FHIT: variants seen among roughly 807,000 people sequenced by gnomAD.
FHIT encodes fragile histidine triad diadenosine triphosphatase, also known as bis(5'-adenosyl)-triphosphatase.
FHIT carries 19 observed loss-of-function variants against 17.9 expected under a neutral mutation model. The observed-to-expected ratio is 1.06, with a 90% confidence interval of 0.74 to 1.56. FHIT has a LOEUF of 1.56. FHIT is among the 40% of genes most tolerant of loss of function. The pLI is 0.00. For synonymous variants in FHIT, 81 were observed against 69.7 expected (o/e 1.16, Z -0.81); for missense variants, 248 against 189.2 (o/e 1.31, Z -1.82).
chr3:59,857,373 T>A (rs1007692247), intron 8 of FHIT, among the ~76,000 whole-genome samples: 3 of 151,992 alleles, frequency 2.0e-5, no homozygotes, highest in African/African-American at 4.8e-5. Flanking sequence ...TTTTTTTTTT[T>A]AAACATTCTG....
rs549200867 is a variant in FHIT at position 61,156,838 on chromosome 3, G to A, written c.-164+43779C>T. ...AGGGGGCTTTCCTCTTGACACTGGTGACTAATTCATCTATTTGCATCACAT... is the reference window on the plus strand; with the variant it reads ...AGGGGGCTTTCCTCTTGACACTGGTAACTAATTCATCTATTTGCATCACAT... On this transcript the variant is annotated intron_variant, in intron 2 of 9. Coordinates refer to ENST00000492590, the MANE Select transcript of FHIT (RefSeq NM_002012.4). Among the ~76,000 whole-genome samples the A allele has an allele frequency of 3.2e-4, 49 of 152,238 alleles. No individual in the cohort carries two copies. In the South Asian group the frequency reaches 3.9e-3, roughly 12 times the overall value.
chr3:60,482,888 C>T (rs192640089), intron 5 of FHIT, among the ~76,000 whole-genome samples: 120 of 151,166 alleles, frequency 7.9e-4, no homozygotes, highest in African/African-American at 2.8e-3. Flanking sequence ...TAAATGAAGA[C>T]AAGAGCTGGT....
chr3:59,944,170 T>G (rs565470969), intron 7 of FHIT, among the ~76,000 whole-genome samples: 1 of 152,304 alleles, frequency 6.6e-6, no homozygotes, highest in South Asian at 2.1e-4. Context: ...TCATCTAGTT[T>G]CTCAAAGTAC....
chr3:60,233,415 T>G (rs1163328077), intron 5 of FHIT, among the ~76,000 whole-genome samples: 1 of 151,992 alleles, frequency 6.6e-6, no homozygotes, highest in Admixed American at 6.5e-5. Flanking sequence ...CTCCCCAAGA[T>G]GTGCCAGATG....
chr3:59,954,018 C>T (rs879798644), intron 7 of FHIT, among the ~76,000 whole-genome samples: 9 of 152,074 alleles, frequency 5.9e-5, no homozygotes, highest in Non-Finnish European at 1.0e-4. Flanking sequence ...AACTTGTATT[C>T]CAGTGTTAAT....
At chr3:61,151,040 T>C (rs1278364109) in intron 2 of FHIT, among the ~76,000 whole-genome samples, 2 of 152,242 alleles carry the variant, frequency 1.3e-5, no homozygotes, top group Admixed American at 6.5e-5. Context: ...TGAAAATTAC[T>C]GATTAAAATT....
chr3:60,807,221 G>C (rs1378425581), intron 4 of FHIT, among the ~76,000 whole-genome samples: 1 of 151,990 alleles, frequency 6.6e-6, no homozygotes, highest in African/African-American at 2.4e-5. Flanking sequence ...CCCCCCTTTT[G>C]GATGCTGGTG....
intron 8 of FHIT, among the ~76,000 whole-genome samples, chr3:59,824,464 A>C (rs569340596): frequency 6.6e-6 from 1 of 152,382 alleles, no homozygotes; most frequent in South Asian, 2.1e-4. Flanking sequence ...AGAACTCAAT[A>C]CATGTCTGTT....
chr3:61,004,374 G>A (rs1019581573), intron 3 of FHIT, among the ~76,000 whole-genome samples: 19 of 152,138 alleles, frequency 1.2e-4, no homozygotes, highest in African/African-American at 4.6e-4. Context: ...GTATTGGTAG[G>A]AATTGAGCAG....
chr3:60,037,732 G>A (rs1264013254), intron 5 of FHIT, among the ~76,000 whole-genome samples: 26 of 121,360 alleles, frequency 2.1e-4, no homozygotes, highest in Middle Eastern at 5.3e-3. Context: ...TTTTTTTTTT[G>A]AGATGGAGTC....
chr3:60,377,381 T>C (rs1169228201), intron 5 of FHIT, among the ~76,000 whole-genome samples: 1 of 151,370 alleles, frequency 6.6e-6, no homozygotes, highest in African/African-American at 2.4e-5. Context: ...ATGGTCTCAA[T>C]CTCTTGACCT....
chr3:60,563,931 T>G (rs1164940755), intron 4 of FHIT, among the ~76,000 whole-genome samples: 1 of 152,176 alleles, frequency 6.6e-6, no homozygotes, highest in Non-Finnish European at 1.5e-5. Context: ...GTTGACCATA[T>G]TAAACAATAG....
chr3:61,036,176 G>A (rs778842468), intron 3 of FHIT, among the ~76,000 whole-genome samples: 2 of 152,134 alleles, frequency 1.3e-5, no homozygotes, highest in Admixed American at 6.6e-5. Context: ...ATAGTAGCAG[G>A]CACTTCACAT....
intron 4 of FHIT, among the ~76,000 whole-genome samples, chr3:60,565,868 G>A (rs1036133009): frequency 2.0e-5 from 3 of 152,082 alleles, no homozygotes; most frequent in African/African-American, 7.2e-5. Context: ...GTCAATTTTA[G>A]ATCTTTCCTG....
At chr3:60,860,153 T>A (rs28715912) in intron 3 of FHIT, among the ~76,000 whole-genome samples, 2 of 66,268 alleles carry the variant, frequency 3.0e-5, no homozygotes, top group African/African-American at 1.4e-4. Context: ...ATATGGTATA[T>A]ATGATATACA....
At chr3:60,591,042 T>C (rs945409145) in intron 4 of FHIT, among the ~76,000 whole-genome samples, 1 of 152,110 alleles carries the variant, frequency 6.6e-6, no homozygotes, top group Non-Finnish European at 1.5e-5. Flanking sequence ...GTACCGTTTC[T>C]ACCTGAAATA....
At chr3:61,163,220 A>T (rs2037745858) in intron 2 of FHIT, among the ~76,000 whole-genome samples, 1 of 152,164 alleles carries the variant, frequency 6.6e-6, no homozygotes, top group Non-Finnish European at 1.5e-5. Flanking sequence ...TCCATAAACA[A>T]GCATTGCCTA....
intron 4 of FHIT, among the ~76,000 whole-genome samples, chr3:60,664,544 TA>T: frequency 6.6e-6 from 1 of 152,092 alleles, no homozygotes; most frequent in South Asian, 2.1e-4. Flanking sequence ...AAAGATAATA[TA>T]AAATTGGCAT....
intron 3 of FHIT, among the ~76,000 whole-genome samples, chr3:60,849,417 G>T (rs893451408): frequency 8.8e-5 from 12 of 135,774 alleles, no homozygotes; most frequent in Admixed American, 3.0e-4. Context: ...TTTCCCTACA[G>T]GACTTTTGTT....
Sources: allele counts gnomAD v4.1 joint callset (sites outside exome capture counted in the v4.1 genomes callset), GRCh38; gene constraint gnomAD v4.1.1; transcripts MANE v1.5; gene names NCBI Gene and HGNC (gene_info 2026-07-23, HGNC 2026-07-21).